The following NR6A1 variants were observed in gnomAD, a reference collection of about 807,000 sequenced individuals.
NR6A1 encodes the protein retinoic acid receptor-related testis-associated receptor.
A neutral mutation model predicts 59.1 loss-of-function variants in NR6A1; 7 were observed. The observed-to-expected ratio is 0.12, with a 90% CI of 0.07 to 0.22. The LOEUF (loss-of-function observed/expected upper bound fraction) is 0.22. NR6A1 is among the 10% of genes least tolerant of loss of function. NR6A1 has a pLI of 1.00. For synonymous variants in NR6A1, 243 were observed against 236.1 expected, an observed-to-expected ratio of 1.03 and a Z score of -0.27; for missense variants, 468 against 611.6, an observed-to-expected ratio of 0.77 and a Z score of 2.48.
chr9:124,593,109 T>A (rs1017496261), intron 2 of NR6A1, among the ~76,000 whole-genome samples: 7 of 152,214 alleles, frequency 4.6e-5, no homozygotes, highest in Non-Finnish European at 1.0e-4. Flanking sequence ...GTGTTTTTGC[T>A]TAACACCCAT....
chr9:124,750,934 T>C (rs1378110157), intron 1 of NR6A1, among the ~76,000 whole-genome samples: 1 of 152,144 alleles, frequency 6.6e-6, no homozygotes, highest in Non-Finnish European at 1.5e-5. Context: ...CTAGACTCCT[T>C]AAGGTACAAA....
chr9:124,643,492 C>T (rs1029989451), intron 2 of NR6A1, among the ~76,000 whole-genome samples: 2 of 150,716 alleles, frequency 1.3e-5, no homozygotes, highest in South Asian at 2.1e-4. Context: ...CCCAGGTACT[C>T]GGGAGGTTGA....
chr9:124,765,270 TAAAG>T (rs1303242797), intron 1 of NR6A1, among the ~76,000 whole-genome samples: 1 of 152,186 alleles, frequency 6.6e-6, no homozygotes, highest in East Asian at 1.9e-4. Flanking sequence ...ACACACTCCT[TAAAG>T]AAACTCAGAA....
intron 2 of NR6A1, among the ~76,000 whole-genome samples, chr9:124,654,380 A>C (rs2130927041): frequency 6.6e-6 from 1 of 152,292 alleles, no homozygotes; most frequent in African/African-American, 2.4e-5. Flanking sequence ...GAAAAAACCC[A>C]AATTTCTTAC....
chr9:124,767,356 T>C (rs1448622407), intron 1 of NR6A1, among the ~76,000 whole-genome samples: 1 of 152,138 alleles, frequency 6.6e-6, no homozygotes, highest in Non-Finnish European at 1.5e-5. Flanking sequence ...TTTGGTTACA[T>C]GAATCAGAAC....
rs868314476 is a variant in NR6A1 at position 124,687,700 on chromosome 9, C to G, written c.142+45608G>C. The stretch of plus-strand genomic sequence containing the variant: ...CCTTAAAACAACACATTATTTTGGC[C>G]TAACTTAAAACCAGAATTAGTAGTC... On this transcript the variant is annotated intron_variant, in intron 2 of 9. Transcript: ENST00000487099. 3.0e-4 allele frequency among the ~76,000 whole-genome samples: 46 copies of G among 152,128 alleles called. 1 individual carries two copies. The highest frequency in any genetic ancestry group is 2.7e-3 in the Admixed American group (42 of 15,280).
chr9:124,557,748 T>C (rs1833971052), intron 2 of NR6A1, among the ~76,000 whole-genome samples: 1 of 152,234 alleles, frequency 6.6e-6, no homozygotes, highest in African/African-American at 2.4e-5. Context: ...AAATGGAACA[T>C]GGAACACTGT....
At chr9:124,569,435 G>A (rs1314187339) in intron 2 of NR6A1, among the ~76,000 whole-genome samples, 2 of 152,176 alleles carry the variant, frequency 1.3e-5, no homozygotes, top group Admixed American at 6.5e-5. Context: ...TTTGGAAACC[G>A]ATTTTTATCA....
intron 6 of NR6A1, among the ~76,000 whole-genome samples, chr9:124,537,876 C>T (rs147310787): frequency 0.019 from 2,889 of 152,224 alleles, 51 homozygotes; most frequent in South Asian, 0.077. Flanking sequence ...TCCATAGGAA[C>T]TGGAAAGTAA....
chr9:124,657,763 T>C (rs557692454), intron 2 of NR6A1, among the ~76,000 whole-genome samples: 81 of 151,804 alleles, frequency 5.3e-4, no homozygotes, highest in African/African-American at 1.8e-3. Flanking sequence ...CAACCCCTAA[T>C]GTGACTAGGA....
chr9:124,600,523 C>T (rs73581850), intron 2 of NR6A1, among the ~76,000 whole-genome samples: 2,765 of 152,262 alleles, frequency 0.018, 76 homozygotes, highest in African/African-American at 0.062. Context: ...ATTCTACAAA[C>T]ACTCATGGAG....
At chr9:124,566,404 G>C (rs1453673497) in intron 2 of NR6A1, among the ~76,000 whole-genome samples, 2 of 152,074 alleles carry the variant, frequency 1.3e-5, no homozygotes, top group Non-Finnish European at 2.9e-5. Flanking sequence ...TAATTAAAAA[G>C]CTGAAAATAA....
intron 1 of NR6A1, among the ~76,000 whole-genome samples, chr9:124,743,521 C>T (rs1840235665): frequency 6.6e-6 from 1 of 152,170 alleles, no homozygotes; most frequent in East Asian, 1.9e-4. Context: ...AAATGCAGTA[C>T]ACGAGTGTCT....
intron 2 of NR6A1, among the ~76,000 whole-genome samples, chr9:124,662,099 T>C (rs568111142): frequency 6.7e-6 from 1 of 149,536 alleles, no homozygotes; most frequent in African/African-American, 2.4e-5. Context: ...AAACCAAGGA[T>C]GAGAAAAGAG....
Position 124,660,577 on chromosome 9 carries a change from C to A in NR6A1, c.142+72731G>T, listed in dbSNP as rs567159885. 6.0e-4 allele frequency among the ~76,000 whole-genome samples: 87 copies of A among 145,238 alleles called. 1 individual carries two copies. In the South Asian group the frequency reaches 0.018, roughly 30 times the overall value. ...AGGCTGTGGGACACAAAGCTTGGAG[C>A]TGCAGAAAGATGGGGGATTCAGAGA... On this transcript the variant is annotated intron_variant, in intron 2 of 9. Transcript: ENST00000487099.
intron 2 of NR6A1, among the ~76,000 whole-genome samples, chr9:124,705,667 C>T (rs539917800): frequency 2.2e-4 from 34 of 152,088 alleles, no homozygotes; most frequent in Non-Finnish European, 4.1e-4. Flanking sequence ...AATATAACTA[C>T]TGATATAGCT....
rs368479969 is a variant in NR6A1 at position 124,718,109 on chromosome 9, C to T, written c.142+15199G>A. 1.1e-4 allele frequency among the ~76,000 whole-genome samples: 16 copies of T among 152,336 alleles called. No individual in the cohort carries two copies. In the South Asian group the frequency reaches 2.7e-3, roughly 26 times the overall value. On this transcript the variant is annotated intron_variant, in intron 2 of 9. Coordinates refer to ENST00000487099, the MANE Select transcript of NR6A1 (RefSeq NM_033334.4). The stretch of plus-strand genomic sequence containing the variant: ...AAAGATGAACAAACTGAGCTTCACA[C>T]GTTGCCTATGCTACTCAGCAAGAAA...
chr9:124,526,164 A>T (rs1832928154), intron 8 of NR6A1, among the ~76,000 whole-genome samples: 1 of 152,198 alleles, frequency 6.6e-6, no homozygotes. Flanking sequence ...AAGAGAATAC[A>T]ACCCTCCTCC....
At chr9:124,607,047 C>T (rs1188180536) in intron 2 of NR6A1, 2 of 152,168 alleles carry the variant, frequency 1.3e-5, no homozygotes, top group African/African-American at 4.8e-5. Context: ...TACTCCAGCA[C>T]AAGGGACAAT....
Sources: allele counts gnomAD v4.1 joint callset (sites outside exome capture counted in the v4.1 genomes callset), GRCh38; gene constraint gnomAD v4.1.1; transcripts MANE v1.5; gene names NCBI Gene and HGNC (gene_info 2026-07-23, HGNC 2026-07-21).